RAB3C: variants seen among roughly 807,000 people sequenced by gnomAD.
RAB3C encodes the protein ras-related protein Rab-3C.
RAB3C carries 17 observed loss-of-function variants against 26.4 expected under a neutral mutation model. The ratio of observed to expected loss-of-function variants is 0.64; its 90% CI spans 0.44 to 0.97. The LOEUF is 0.97. Ranked by LOEUF, RAB3C falls within the 50% of genes least tolerant of loss-of-function variation. The probability of loss-of-function intolerance (pLI) is 0.00; values close to 1 mark genes in which losing one functional copy is unlikely to be tolerated. For synonymous variants in RAB3C, 91 were observed against 95.9 expected (o/e 0.95, Z 0.30); for missense variants, 242 against 281.9 (o/e 0.86, Z 1.01).
chr5:58,819,057 G>A (rs946622971), intron 3 of RAB3C, among the ~76,000 whole-genome samples: 3 of 152,198 alleles, frequency 2.0e-5, no homozygotes, highest in African/African-American at 7.2e-5. Flanking sequence ...ATAGGAATTA[G>A]AAATGATGAA....
At chr5:58,661,189 A>G (rs1747899063) in intron 2 of RAB3C, among the ~76,000 whole-genome samples, 2 of 150,384 alleles carry the variant, frequency 1.3e-5, no homozygotes, top group Non-Finnish European at 2.9e-5. Flanking sequence ...ATCTTAAAGT[A>G]TAGTCATGTC....
intron 4 of RAB3C, among the ~76,000 whole-genome samples, chr5:58,834,889 TC>T (rs1397385517): frequency 6.6e-6 from 1 of 152,170 alleles, no homozygotes; most frequent in African/African-American, 2.4e-5. Context: ...TATTTCATAA[TC>T]TTATGGATCT....
chr5:58,597,725 T>A (rs1319856692), intron 1 of RAB3C, among the ~76,000 whole-genome samples: 1 of 129,598 alleles, frequency 7.7e-6, no homozygotes, highest in Non-Finnish European at 1.6e-5. Flanking sequence ...GTACATTATA[T>A]ATAAGTATAT....
chr5:58,754,473 A>G (rs977407284), intron 3 of RAB3C, among the ~76,000 whole-genome samples: 1 of 152,136 alleles, frequency 6.6e-6, no homozygotes, highest in Non-Finnish European at 1.5e-5. Flanking sequence ...TCAGCGTCAT[A>G]CTCAGCGTGA....
rs1313456491 is a variant in RAB3C, at chr5:58,583,296, G to T, written c.24+64G>T. On this transcript the variant is annotated intron_variant, in intron 1 of 4. Transcript: ENST00000282878. ...AAAGAGATGCTTTTCCCCTTGCTCC[G>T]CGCACAAGCAGTTCAACGTAAGGAA... 3.1e-6 allele frequency: 5 copies of T among 1,608,684 alleles called. No homozygotes were observed. In the East Asian group the frequency reaches 8.9e-5, roughly 29 times the overall value.
intron 2 of RAB3C, among the ~76,000 whole-genome samples, chr5:58,630,896 CTTG>C (rs1747173750): frequency 6.6e-6 from 1 of 152,092 alleles, no homozygotes; most frequent in African/African-American, 2.4e-5. Flanking sequence ...ATAAAGAGGC[CTTG>C]TTGTTGTCAA....
Position 58,845,612 on chromosome 5 carries a change from A to ATGTGTGTGTGTGTG in RAB3C, c.497-5546_497-5533dup, listed in dbSNP as rs1289870360. Reference sequence around the variant, plus strand: ...ATTCTTACTATATATATATATATATATGTGTGTGTGTGTGTGTGTATATGT... The same window carrying ATGTGTGTGTGTGTG: ...ATTCTTACTATATATATATATATATATGTGTGTGTGTGTGTGTGTGTGTGTGTGTGTGTATATGT... On this transcript the variant is annotated intron_variant, in intron 4 of 4. Transcript: ENST00000282878. Among the ~76,000 whole-genome samples, 115 of 81,524 alleles carry ATGTGTGTGTGTGTG rather than the reference A, an allele frequency of 1.4e-3. 2 individuals carry two copies. The highest frequency in any genetic ancestry group is 3.3e-3 in the African/African-American group (56 of 17,130). The allele number at this position is 81,524 out of a possible 152,430, so 53.5% of individuals were successfully genotyped here.
intron 2 of RAB3C, among the ~76,000 whole-genome samples, chr5:58,679,261 AT>A (rs200629057): frequency 3.3e-5 from 5 of 151,078 alleles, no homozygotes; most frequent in South Asian, 4.2e-4. Flanking sequence ...GACTTGGCTC[AT>A]TTTTTTTTGG....
At chr5:58,623,522 C>T (rs556272679) in intron 2 of RAB3C, among the ~76,000 whole-genome samples, 2 of 152,330 alleles carry the variant, frequency 1.3e-5, no homozygotes, top group East Asian at 3.9e-4. Context: ...ATCTGCTTTT[C>T]CTGAGAGATT....
At chr5:58,587,717 C>T (rs1357556675) in intron 1 of RAB3C, among the ~76,000 whole-genome samples, 1 of 152,004 alleles carries the variant, frequency 6.6e-6, no homozygotes, top group African/African-American at 2.4e-5. Context: ...CATGGTTTTT[C>T]CTAATTAATA....
At chr5:58,653,083 T>A (rs1747692772) in intron 2 of RAB3C, among the ~76,000 whole-genome samples, 1 of 152,142 alleles carries the variant, frequency 6.6e-6, no homozygotes, top group Non-Finnish European at 1.5e-5. Flanking sequence ...CAACCCGTCA[T>A]CTACTAATGT....
At chr5:58,693,237 ATAATTATATAAATT>A (rs1748607071) in intron 2 of RAB3C, among the ~76,000 whole-genome samples, 1 of 145,980 alleles carries the variant, frequency 6.9e-6, no homozygotes, top group Non-Finnish European at 1.5e-5. Context: ...AGATAAAGTT[ATAATTATATAAATT>A]TAATTATATA....
At chr5:58,582,339 A>G (rs1253811850), upstream of RAB3C, 4 of 953,456 alleles carry the variant, frequency 4.2e-6, no homozygotes, top group African/African-American at 1.8e-5. Context: ...CTTCCTACGT[A>G]GAGCCCTAAC....
intron 3 of RAB3C, among the ~76,000 whole-genome samples, chr5:58,802,072 G>A (rs922550306): frequency 1.3e-5 from 2 of 151,942 alleles, no homozygotes; most frequent in African/African-American, 4.8e-5. Flanking sequence ...TGAATCATTA[G>A]AGTAATATAA....
chr5:58,771,285 A>G (rs1320929657), intron 3 of RAB3C, among the ~76,000 whole-genome samples: 1 of 152,164 alleles, frequency 6.6e-6, no homozygotes, highest in Non-Finnish European at 1.5e-5. Flanking sequence ...AAATATGGGT[A>G]TACATATGTA....
chr5:58,688,191 T>C (rs1306017827), intron 2 of RAB3C, among the ~76,000 whole-genome samples: 3 of 152,086 alleles, frequency 2.0e-5, no homozygotes, highest in East Asian at 1.9e-4. Flanking sequence ...TGTTGACTGT[T>C]GACTTTTCCC....
chr5:58,613,874 CAGG>C (rs1746768296), intron 1 of RAB3C, among the ~76,000 whole-genome samples: 1 of 151,954 alleles, frequency 6.6e-6, no homozygotes, highest in Admixed American at 6.6e-5. Context: ...ATCATCCAAG[CAGG>C]AGGAGAGAAA....
intron 2 of RAB3C, among the ~76,000 whole-genome samples, chr5:58,723,524 G>A (rs780256020): frequency 2.0e-5 from 3 of 151,694 alleles, no homozygotes; most frequent in Admixed American, 6.6e-5. Flanking sequence ...TTCAGGAGCC[G>A]AATAGGATAT....
intron 3 of RAB3C, among the ~76,000 whole-genome samples, chr5:58,816,432 G>A (rs1743218786): frequency 6.6e-6 from 1 of 152,130 alleles, no homozygotes; most frequent in Non-Finnish European, 1.5e-5. Context: ...GTCTGCTCCT[G>A]AGTGTGTTAT....
Sources: gnomAD v4.1 joint callset for allele counts (sites outside exome capture counted in the v4.1 genomes callset) on GRCh38, gnomAD v4.1.1 for gene constraint, MANE v1.5 for transcripts, NCBI Gene and HGNC (gene_info 2026-07-23, HGNC 2026-07-21) for gene names.